The following CRISP2 variants were observed in gnomAD, a reference collection of about 807,000 sequenced individuals.
The protein encoded by CRISP2 is cysteine-rich secretory protein 2.
In CRISP2, 29 loss-of-function variants were observed where a neutral mutation model predicts 31.7. That is an observed-to-expected ratio of 0.92 (90% CI 0.68 to 1.25). CRISP2 has a LOEUF of 1.25. Ranked by LOEUF, CRISP2 falls within the 50% of genes most tolerant of loss-of-function variation. CRISP2 has a pLI of 0.00. For missense variants in CRISP2, 318 were observed against 286.5 expected, an observed-to-expected ratio of 1.11 and a Z score of -0.79; for synonymous variants, 111 against 101.4, an observed-to-expected ratio of 1.09 and a Z score of -0.57.
the CRISP2 span, among the ~76,000 whole-genome samples, chr6:49,679,218 A>G: frequency 1.3e-5 from 2 of 152,116 alleles, no homozygotes; most frequent in African/African-American, 4.8e-5. Flanking sequence ...TGAGATACTT[A>G]TGCACCAAGT....
chr6:49,698,282 C>T (rs1400439428), intron 7 of CRISP2, 80 bp downstream of exon 7: 3 of 1,488,858 alleles, frequency 2.0e-6, no homozygotes, highest in Non-Finnish European at 2.8e-6. Context: ...CTAAATTGAA[C>T]ATTACAGTGG....
At chr6:49,688,224 A>G (rs764632143), downstream of CRISP2, among the ~76,000 whole-genome samples, 13 of 152,202 alleles carry the variant, frequency 8.5e-5, no homozygotes, top group Non-Finnish European at 1.9e-4. Context: ...ATTAAGTGAC[A>G]TGCATATTTA....
chr6:49,682,743 TCTTCCTTCTTTTTC>T, the CRISP2 span, among the ~76,000 whole-genome samples: 1 of 149,994 alleles, frequency 6.7e-6, no homozygotes, highest in East Asian at 2.0e-4. Context: ...CTTTCTTTTT[TCTTCCTTCTTTTTC>T]CTTCCTTCCT....
chr6:49,700,337 C>A (rs1765455136), intron 5 of CRISP2, among the ~76,000 whole-genome samples: 1 of 152,078 alleles, frequency 6.6e-6, no homozygotes. Flanking sequence ...TTACTCACAA[C>A]AGCTGACACA....
At position 49,692,772 on chromosome 6, in the gene CRISP2, A is replaced by C; in HGVS notation, c.*1T>G. Reference sequence around the variant, plus strand: ...GTCTTGCACAATGCTCACTAGGTAAATCAGTAAATTTTGTTCTCACATAGG... The same window carrying C: ...GTCTTGCACAATGCTCACTAGGTAACTCAGTAAATTTTGTTCTCACATAGG... On this transcript the variant is annotated 3_prime_UTR_variant, in exon 10 of 10. Coordinates refer to ENST00000339139, the MANE Select transcript of CRISP2 (RefSeq NM_003296.4). The C allele has an allele frequency of 6.2e-7, 1 of 1,612,486 alleles. No individual in the cohort carries two copies. The highest frequency in any genetic ancestry group is 8.5e-7 in the Non-Finnish European group (1 of 1,178,850).
Position 49,692,762 on chromosome 6 carries a change from C to A in CRISP2, c.*11G>T, listed in dbSNP as rs76267147. The A allele has an allele frequency of 3.3e-5, 53 of 1,610,982 alleles. 1 individual carries two copies. The East Asian group carries it at 1.2e-3, about 36-fold the overall frequency. ...TATCCATGCAGTCTTGCACAATGCT[C>A]ACTAGGTAAATCAGTAAATTTTGTT... On this transcript the variant is annotated 3_prime_UTR_variant, in exon 10 of 10. Transcript: ENST00000339139.
Position 49,692,851 on chromosome 6 carries a change from C to T in CRISP2, c.654G>A (p.Lys218=). 1.9e-6 allele frequency: 3 copies of T among 1,613,820 alleles called. No homozygotes were observed. Among genetic ancestry groups the T allele is most frequent in the Non-Finnish European group, 1.7e-6 (2 of 1,179,762 alleles). ...ACTCATGTTCACAGCCAGCTGTATT[C>T]TTCAAGGAATCACAGTTACTTAGGA... is the stretch of plus-strand genomic sequence containing the variant. ...QDLLSNCDSL[K]NTAGCEHELL... The change falls in exon 10 of 10, where the codon AAG becomes AAA. Residue 218 remains lysine (K), a synonymous_variant. Transcript: ENST00000339139.
intron 6 of CRISP2, 71 bp downstream of exon 6, chr6:49,699,733 G>T: frequency 1.9e-6 from 2 of 1,078,222 alleles, no homozygotes; most frequent in South Asian, 2.8e-5. Flanking sequence ...TCTTATTATA[G>T]AGCATCCTAC....
intron 4 of CRISP2, among the ~76,000 whole-genome samples, chr6:49,708,909 G>T (rs553269889): frequency 9.2e-5 from 14 of 152,234 alleles, no homozygotes; most frequent in African/African-American, 3.4e-4. Context: ...CATTTCAAGT[G>T]TTCAGTAGTC....
chr6:49,692,064 A>T (rs1764080552), downstream of CRISP2, among the ~76,000 whole-genome samples: 1 of 152,126 alleles, frequency 6.6e-6, no homozygotes, highest in African/African-American at 2.4e-5. Flanking sequence ...TGGTTAAATT[A>T]TGTCCTCTTT....
At chr6:49,706,960 C>T (rs1767138417) in intron 4 of CRISP2, among the ~76,000 whole-genome samples, 1 of 152,080 alleles carries the variant, frequency 6.6e-6, no homozygotes. Flanking sequence ...ATTTCTAAAT[C>T]ACATCAAAGC....
intron 9 of CRISP2, among the ~76,000 whole-genome samples, chr6:49,695,172 C>T (rs1014288052): frequency 1.3e-5 from 2 of 151,982 alleles, no homozygotes; most frequent in Non-Finnish European, 2.9e-5. Context: ...ATTTTTACTT[C>T]TATTCATGGC....
At chr6:49,699,197 G>A (rs1358012403) in intron 6 of CRISP2, among the ~76,000 whole-genome samples, 1 of 151,784 alleles carries the variant, frequency 6.6e-6, no homozygotes, top group African/African-American at 2.4e-5. Context: ...TAGGTATCCA[G>A]TCCACACAAA....
chr6:49,704,898 A>G (rs1489147019), intron 4 of CRISP2, among the ~76,000 whole-genome samples: 2 of 152,192 alleles, frequency 1.3e-5, no homozygotes, highest in African/African-American at 4.8e-5. Context: ...AGGCAGTGGA[A>G]TTAACTGCTG....
chr6:49,686,496 C>A, the CRISP2 span, among the ~76,000 whole-genome samples: 1 of 152,152 alleles, frequency 6.6e-6, no homozygotes, highest in Non-Finnish European at 1.5e-5. Context: ...AAAAAACCCA[C>A]AATGAGATAC....
chr6:49,678,117 A>C, the CRISP2 span, among the ~76,000 whole-genome samples: 1 of 152,286 alleles, frequency 6.6e-6, no homozygotes, highest in South Asian at 2.1e-4. Flanking sequence ...CTGCATTCAG[A>C]ATTATAAAAC....
At chr6:49,703,568 G>C (rs1766481876) in intron 4 of CRISP2, among the ~76,000 whole-genome samples, 1 of 151,952 alleles carries the variant, frequency 6.6e-6, no homozygotes. Context: ...GTATTTTATT[G>C]TTTTTTCAGC....
chr6:49,712,884 C>G (rs987880809), intron 1 of CRISP2, among the ~76,000 whole-genome samples: 2 of 152,044 alleles, frequency 1.3e-5, no homozygotes, highest in Non-Finnish European at 2.9e-5. Context: ...AAATTGCAAC[C>G]TTTTTTCAAG....
chr6:49,696,387 T>C (rs1764754185), intron 8 of CRISP2, among the ~76,000 whole-genome samples: 1 of 152,036 alleles, frequency 6.6e-6, no homozygotes, highest in Non-Finnish European at 1.5e-5. Context: ...CTCCATAGTA[T>C]CTCTAACAGA....
Sources: gnomAD v4.1 joint callset for allele counts (sites outside exome capture counted in the v4.1 genomes callset) on GRCh38, gnomAD v4.1.1 for gene constraint, MANE v1.5 for transcripts, NCBI Gene and HGNC (gene_info 2026-07-23, HGNC 2026-07-21) for gene names.